SARDH: variants seen among roughly 807,000 people sequenced by gnomAD.
SARDH encodes sarcosine dehydrogenase, also known as sarcosine dehydrogenase, mitochondrial.
Under a neutral mutation model 109.1 loss-of-function variants are expected in SARDH, and 95 were observed. That is an observed-to-expected ratio of 0.87 (90% CI 0.74 to 1.03). The LOEUF is 1.03. Ranked by LOEUF, SARDH falls within the 50% of genes least tolerant of loss-of-function variation. The pLI is 0.00. For missense variants in SARDH, 1,267 were observed against 1,287.8 expected (o/e 0.98, Z 0.25); for synonymous variants, 572 against 534.8 (o/e 1.07, Z -0.96).
intron 2 of SARDH, among the ~76,000 whole-genome samples, 176 bp from the exon 3 acceptor site, chr9:133,732,777 G>A (rs1832734562): frequency 6.6e-6 from 1 of 152,202 alleles, no homozygotes; most frequent in Non-Finnish European, 1.5e-5. Flanking sequence ...ACTGGACCAA[G>A]ATGAATGTGA....
At position 133,690,451 on chromosome 9, in the gene SARDH, G is replaced by A; in HGVS notation, c.1998C>T (p.Asp666=). 6.2e-7 allele frequency: 1 copy of A among 1,612,972 alleles called. No individual in the cohort carries two copies. Among genetic ancestry groups the A allele is most frequent in the South Asian group, 1.1e-5 (1 of 91,076 alleles). ...NWSHITTVLQ[D]QKSQCQLIDS... ...CGATGAGCTGGCACTGGGACTTCTG[G>A]TCCTGCAGCACGGTGGTGATGTGGG... is the stretch of plus-strand genomic sequence containing the variant. Residue 666 remains aspartate, a synonymous_variant, in exon 16 of 21, where the codon GAC becomes GAT. Transcript: ENST00000439388.
At chr9:133,716,818 A>G (rs1432814774) in intron 8 of SARDH, among the ~76,000 whole-genome samples, 2 of 152,342 alleles carry the variant, frequency 1.3e-5, no homozygotes, top group South Asian at 4.1e-4. Flanking sequence ...GAGGGAGGCC[A>G]GCAGCATGGG....
chr9:133,734,396 C>CTCATTCACTCATTCAT (rs1832802891), intron 1 of SARDH, among the ~76,000 whole-genome samples, 193 bp from the exon 2 acceptor site: 1 of 128,718 alleles, frequency 7.8e-6, no homozygotes, highest in African/African-American at 3.1e-5. Flanking sequence ...CATTCATTCA[C>CTCATTCACTCATTCAT]TCATTCATTC....
chr9:133,736,996 C>T (rs766153176), intron 1 of SARDH, among the ~76,000 whole-genome samples: 2 of 152,240 alleles, frequency 1.3e-5, no homozygotes, highest in Non-Finnish European at 2.9e-5. Context: ...TACTTCACAG[C>T]GGGGGAGTCT....
chr9:133,667,983 G>A (rs1197314388), intron 19 of SARDH, among the ~76,000 whole-genome samples: 3 of 152,230 alleles, frequency 2.0e-5, no homozygotes, highest in East Asian at 3.9e-4. Context: ...CGCGGCGCAG[G>A]GCAGCTATTA....
chr9:133,667,997 A>T (rs1830133762), intron 19 of SARDH, among the ~76,000 whole-genome samples: 1 of 152,086 alleles, frequency 6.6e-6, no homozygotes, highest in Non-Finnish European at 1.5e-5. Context: ...GCTATTATGC[A>T]GCCTGACAGG....
At position 133,731,402 on chromosome 9, in the gene SARDH, T is replaced by C. The variant is rs1832676523; in HGVS notation, c.593A>G (p.Asp198Gly). The C allele has an allele frequency of 6.2e-7, 1 of 1,613,848 alleles. No individual in the cohort carries two copies. Among genetic ancestry groups the C allele is most frequent in the African/African-American group, 1.3e-5 (1 of 74,844 alleles). The change falls in exon 4 of 21, where the codon GAC becomes GGC. Residue 198 changes from aspartate (D) to glycine (G), a missense_variant. Coordinates refer to ENST00000439388, the MANE Select transcript of SARDH (RefSeq NM_001134707.2). The part of the protein sequence containing the change: ...KTLYPLMNVD[D>G]LYGTLYVPHD... ...CGGCACATACAGGGTCCCGTAGAGG[T>C]CGTCCACATTCATCAGCGGGTACAG...
chr9:133,731,429 G>C lies in SARDH; in HGVS notation c.566C>G (p.Thr189Ser), dbSNP rs149810392. ...GTCCACATTCATCAGCGGGTACAGA[G>C]TCTTGGTCTCTGCCGGGCTCAGCAC... ...SHVLSPAETK[T>S]LYPLMNVDDL... is the part of the protein sequence containing the mutation. The change falls in exon 4 of 21, where the codon ACT becomes AGT. Residue 189 changes from threonine to serine, a missense_variant. Transcript: ENST00000439388. The C allele has an allele frequency of 1.5e-5, 24 of 1,614,170 alleles. No homozygotes were observed. Among genetic ancestry groups the C allele is most frequent in the Middle Eastern group, 3.3e-4 (2 of 6,062 alleles).
At position 133,713,018 on chromosome 9, in the gene SARDH, GGGC is replaced by G. The variant is rs1252671948; in HGVS notation, c.1237+17_1237+19del. 5.6e-6 allele frequency: 9 copies of G among 1,601,816 alleles called. No individual in the cohort carries two copies. Among genetic ancestry groups the G allele is most frequent in the Non-Finnish European group, 7.7e-6 (9 of 1,174,816 alleles). ...AGGACCTCCCTCTTGGGGGCCAGGA[GGGC>G]TGCTGCCCGGACTCACCTGCGCTGT... On this transcript the variant is annotated intron_variant, in intron 9 of 20. Coordinates refer to ENST00000439388, the MANE Select transcript of SARDH (RefSeq NM_001134707.2).
intron 6 of SARDH, among the ~76,000 whole-genome samples, chr9:133,729,299 G>T (rs2131499297): frequency 6.6e-6 from 1 of 152,206 alleles, no homozygotes; most frequent in South Asian, 2.1e-4. Context: ...CCAGCCCCAG[G>T]TGCCAGGAGG....
At chr9:133,672,705 A>C (rs966344638) in intron 17 of SARDH, among the ~76,000 whole-genome samples, 2 of 152,202 alleles carry the variant, frequency 1.3e-5, no homozygotes, top group African/African-American at 4.8e-5. Context: ...TTCAGGACTC[A>C]GCTCGGCCGT....
At chr9:133,737,739 C>T (rs763120237) in intron 1 of SARDH, among the ~76,000 whole-genome samples, 31 of 152,338 alleles carry the variant, frequency 2.0e-4, no homozygotes, top group Admixed American at 3.3e-4. Context: ...GGGCTGGCAG[C>T]GGCCCCAGCG....
At chr9:133,681,727 T>C (rs1189991497) in intron 17 of SARDH, among the ~76,000 whole-genome samples, 3 of 152,202 alleles carry the variant, frequency 2.0e-5, no homozygotes, top group Non-Finnish European at 2.9e-5. Context: ...AGAGTCCCAG[T>C]GGCCCTACGT....
chr9:133,685,593 A>G (rs924108273), intron 16 of SARDH, among the ~76,000 whole-genome samples: 4 of 152,180 alleles, frequency 2.6e-5, no homozygotes, highest in Admixed American at 2.0e-4. Flanking sequence ...ATCTAACCAT[A>G]GAATGCCCTT....
At chr9:133,679,755 C>T (rs1012597683) in intron 17 of SARDH, among the ~76,000 whole-genome samples, 8 of 152,256 alleles carry the variant, frequency 5.3e-5, no homozygotes, top group Non-Finnish European at 1.2e-4. Flanking sequence ...CCCAGCCTCT[C>T]GGAGAACAAT....
At position 133,731,276 on chromosome 9, in the gene SARDH, G is replaced by A. The variant is rs1313224571; in HGVS notation, c.690+29C>T. On this transcript the variant is annotated intron_variant, in intron 4 of 20. Transcript: ENST00000439388. ...GGCAGGAGGAGTGGGCTGGGAACAGGGGACCCAGAGCCAGGCGGCCATCAG... is the reference window on the plus strand; with the variant it reads ...GGCAGGAGGAGTGGGCTGGGAACAGAGGACCCAGAGCCAGGCGGCCATCAG... 1.9e-6 allele frequency: 3 copies of A among 1,611,508 alleles called. No homozygotes were observed. In the African/African-American group the frequency reaches 4.0e-5, roughly 22 times the overall value.
chr9:133,663,397 C>T (rs1244570686), downstream of SARDH, among the ~76,000 whole-genome samples: 1 of 152,258 alleles, frequency 6.6e-6, no homozygotes, highest in Non-Finnish European at 1.5e-5. Flanking sequence ...GAAGAATGGC[C>T]TTGGTCCCAG....
rs1831594358 is a variant in SARDH, at chr9:133,704,042, G to A, written c.1554+906C>T. Among the ~76,000 whole-genome samples the A allele has an allele frequency of 6.6e-6, 1 of 152,164 alleles. No homozygotes were observed. The highest frequency in any genetic ancestry group is 1.5e-5 in the Non-Finnish European group (1 of 68,018). ...AGATCTGACTGGAACACAGTGGGTT[G>A]CACTTCAAGACAGGGTCTGCCCAGA... is the stretch of plus-strand genomic sequence containing the variant. On this transcript the variant is annotated intron_variant, in intron 12 of 20. Coordinates refer to ENST00000439388, the MANE Select transcript of SARDH (RefSeq NM_001134707.2). This position sits in a 1 kb window ranked among gnomAD's most constrained non-coding sequence, Gnocchi z 4.5.
Position 133,718,834 on chromosome 9 carries a change from G to A in SARDH, c.1020+104C>T, listed in dbSNP as rs1832221639. On this transcript the variant is annotated intron_variant, in intron 7 of 20. Transcript: ENST00000439388. This position sits in a 1 kb window ranked among gnomAD's most constrained non-coding sequence, Gnocchi z 4.2. ...AGGGGACCGGCCACTTCTCAGGTGT[G>A]CCTCTGAGGAGCTTCAGGAGGATGG... 3.2e-6 allele frequency: 3 copies of A among 923,620 alleles called. No homozygotes were observed. In the East Asian group the frequency reaches 7.5e-5, roughly 23 times the overall value. 57.2% of individuals were successfully genotyped at this position (923,620 alleles called of 1,614,324 possible). A position where few individuals can be genotyped will look rare whatever the true frequency, so the allele number is the denominator to read the frequency against.
Sources: allele counts gnomAD v4.1 joint callset (sites outside exome capture counted in the v4.1 genomes callset), GRCh38; gene constraint gnomAD v4.1.1; non-coding constraint Gnocchi (gnomAD v3.1); transcripts MANE v1.5; gene names NCBI Gene and HGNC (gene_info 2026-07-23, HGNC 2026-07-21).